Variants in TP53BP1 observed in about 807,000 individuals in gnomAD.
TP53BP1 encodes tumor protein p53 binding protein 1.
A neutral mutation model predicts 200.8 loss-of-function variants in TP53BP1; 61 were observed. That is an observed-to-expected ratio of 0.30 (90% confidence interval 0.25 to 0.38). TP53BP1 has a LOEUF of 0.38. TP53BP1 is among the 10% of genes least tolerant of loss of function. The pLI, the probability that TP53BP1 is intolerant of heterozygous loss-of-function variation, is 1.00. For missense variants in TP53BP1, 2,144 were observed against 2,371.9 expected, an observed-to-expected ratio of 0.90 and a Z score of 2.00; for synonymous variants, 822 against 844.3, an observed-to-expected ratio of 0.97 and a Z score of 0.46.
At chr15:43,505,983 G>A (rs1039775038) in intron 1 of TP53BP1, among the ~76,000 whole-genome samples, 1 of 152,162 alleles carries the variant, frequency 6.6e-6, no homozygotes, top group African/African-American at 2.4e-5. Context: ...CAGCTCCCTT[G>A]GATATTTTGG....
At chr15:43,447,293 TA>T in intron 13 of TP53BP1, 72 bp downstream of exon 13, 1 of 1,510,098 alleles carries the variant, frequency 6.6e-7, no homozygotes, top group Non-Finnish European at 9.0e-7. Flanking sequence ...TCCTCAGATC[TA>T]AAATATCACT....
In TP53BP1 at chr15:43,490,594, A is replaced by C. The variant is rs1286079143; in HGVS notation, c.371+1075T>G. 2.6e-5 allele frequency among the ~76,000 whole-genome samples: 4 copies of C among 151,222 alleles called. No individual in the cohort carries two copies. The East Asian group carries it at 7.7e-4, about 29-fold the overall frequency. ...CAAGCTAACATTCTCCTCTCTAACC[A>C]CCTCCCCTTTCTACCACCCCAAAAC... On this transcript the variant is annotated intron_variant, in intron 4 of 27. Coordinates refer to ENST00000382044, the MANE Select transcript of TP53BP1 (RefSeq NM_001141980.3).
At chr15:43,419,389 TCTCA>T (rs1243479488) in intron 21 of TP53BP1, among the ~76,000 whole-genome samples, 2 of 151,918 alleles carry the variant, frequency 1.3e-5, no homozygotes, top group Non-Finnish European at 2.9e-5. Context: ...AGAGACAGGG[TCTCA>T]CTGTTTCCCA....
At chr15:43,474,235 A>G (rs1406565980) in intron 10 of TP53BP1, among the ~76,000 whole-genome samples, 1 of 152,168 alleles carries the variant, frequency 6.6e-6, no homozygotes, top group Non-Finnish European at 1.5e-5. Flanking sequence ...CGCCGCGCAC[A>G]GCCCCGGTTG....
intron 6 of TP53BP1, 54 bp from the exon 7 acceptor site, chr15:43,479,580 G>C (rs759376037): frequency 2.2e-5 from 34 of 1,551,680 alleles, no homozygotes; most frequent in Middle Eastern, 3.4e-4. Flanking sequence ...CAAAATACTA[G>C]ATACAGTCCC....
At chr15:43,422,736 G>A (rs1241896721) in intron 18 of TP53BP1, among the ~76,000 whole-genome samples, 1 of 152,186 alleles carries the variant, frequency 6.6e-6, no homozygotes, top group African/African-American at 2.4e-5. Flanking sequence ...GCTCACGCCT[G>A]TAATCCCAGC....
Position 43,407,379 on chromosome 15 carries a change from A to ATCTT in TP53BP1, c.5934_*3dup, listed in dbSNP as rs749319124. The ATCTT allele has an allele frequency of 2.2e-5, 35 of 1,613,624 alleles. No homozygotes were observed. Among genetic ancestry groups the ATCTT allele is most frequent in the East Asian group, 6.7e-5 (3 of 44,888 alleles). On this transcript the variant is annotated 3_prime_UTR_variant, in exon 28 of 28. Transcript: ENST00000382044. ...GGGAATAAAACCAGTAAGACCAAGT[A>ATCTT]TCTTTAGTGAGAAACATAATCGTGT... is the stretch of plus-strand genomic sequence containing the variant.
chr15:43,473,877 C>T (rs1465826631), intron 10 of TP53BP1, among the ~76,000 whole-genome samples: 1 of 152,254 alleles, frequency 6.6e-6, no homozygotes, highest in African/African-American at 2.4e-5. Flanking sequence ...CTCCTGCACT[C>T]CTCAGCCCTT....
chr15:43,408,792 A>T (rs45628934), intron 26 of TP53BP1, 105 bp downstream of exon 26: 2 of 1,139,554 alleles, frequency 1.8e-6, no homozygotes, highest in East Asian at 4.9e-5. Flanking sequence ...TATCCCACAG[A>T]CATTCCAATT....
chr15:43,474,398 G>C (rs1321753130), intron 10 of TP53BP1, among the ~76,000 whole-genome samples: 2 of 150,440 alleles, frequency 1.3e-5, no homozygotes, highest in Non-Finnish European at 2.9e-5. Flanking sequence ...GAGGCGCCGA[G>C]AGCGAGCGAG....
chr15:43,436,681 C>T (rs532795909), intron 16 of TP53BP1, among the ~76,000 whole-genome samples: 1 of 151,062 alleles, frequency 6.6e-6, no homozygotes, highest in South Asian at 2.1e-4. Flanking sequence ...TAGGGTCTCA[C>T]TATGTCACCC....
At chr15:43,505,891 T>G (rs2079233292) in intron 1 of TP53BP1, among the ~76,000 whole-genome samples, 1 of 152,240 alleles carries the variant, frequency 6.6e-6, no homozygotes, top group African/African-American at 2.4e-5. Context: ...GACACAGCAC[T>G]TCTGTAATCC....
chr15:43,420,665 A>C lies in TP53BP1; in HGVS notation c.4321T>G (p.Phe1441Val). Reference sequence around the variant, plus strand: ...GGCACTCGGGGCACGACACGGCTGAAGGATTTATCATCTGGTGACAAGTTA... The same window carrying C: ...GGCACTCGGGGCACGACACGGCTGACGGATTTATCATCTGGTGACAAGTTA... ...SPNLSPDDKS[F>V]SRVVPRVPDS... is the part of the protein sequence containing the mutation. The change falls in exon 21 of 28, where the codon TTC (phenylalanine) becomes GTC (valine). Residue 1441 changes from phenylalanine (F) to valine (V), a missense_variant. This residue lies in a region of TP53BP1 where 1,700 missense variants were observed against 1,710.3 expected (regional missense o/e 0.99). Coordinates refer to ENST00000382044, the MANE Select transcript of TP53BP1 (RefSeq NM_001141980.3). The C allele has an allele frequency of 1.9e-6, 3 of 1,614,240 alleles. No individual in the cohort carries two copies. The highest frequency in any genetic ancestry group is 2.5e-6 in the Non-Finnish European group (3 of 1,180,042).
At chr15:43,482,215 C>T (rs1314260384) in intron 4 of TP53BP1, among the ~76,000 whole-genome samples, 1 of 151,700 alleles carries the variant, frequency 6.6e-6, no homozygotes, top group Admixed American at 6.6e-5. Flanking sequence ...GGCGACAGAG[C>T]GAGACTCCAC....
rs2044842533 is a variant in TP53BP1, at chr15:43,405,598, A to G, written c.*1785T>C. Reference sequence around the variant, plus strand: ...TAAATATTTTATGGTTCATATGTGAAAAAGTAATTATGTTTATAAATAGAC... The same window carrying G: ...TAAATATTTTATGGTTCATATGTGAGAAAGTAATTATGTTTATAAATAGAC... On this transcript the variant is annotated 3_prime_UTR_variant, in exon 28 of 28. Transcript: ENST00000382044. The G allele has an allele frequency of 5.1e-6, 1 of 197,428 alleles. No individual in the cohort carries two copies. The allele number at this position is 197,428 out of a possible 1,614,324, so 12.2% of individuals were successfully genotyped here.
At position 43,453,005 on chromosome 15, in the gene TP53BP1, T is replaced by C. The variant is rs1488980337; in HGVS notation, c.2716+2887A>G. On this transcript the variant is annotated intron_variant, in intron 12 of 27. Transcript: ENST00000382044. ...GTCAGGAGATCGAGACCATCCTGGCTAACACGGTGAAACCCCGTCTCTACT... is the reference window on the plus strand; with the variant it reads ...GTCAGGAGATCGAGACCATCCTGGCCAACACGGTGAAACCCCGTCTCTACT... Among the ~76,000 whole-genome samples the C allele has an allele frequency of 4.6e-5, 7 of 151,878 alleles. No individual in the cohort carries two copies. In the South Asian group the frequency reaches 6.2e-4, roughly 14 times the overall value.
chr15:43,453,885 T>C (rs937297492), intron 12 of TP53BP1, among the ~76,000 whole-genome samples: 21 of 150,908 alleles, frequency 1.4e-4, no homozygotes, highest in African/African-American at 4.9e-4. Flanking sequence ...GTACTATTAA[T>C]AATCACACTT....
chr15:43,447,810 C>CAGTA (rs2046078235), intron 12 of TP53BP1, among the ~76,000 whole-genome samples: 1 of 152,158 alleles, frequency 6.6e-6, no homozygotes, highest in East Asian at 1.9e-4. Context: ...ATCTCCAAGA[C>CAGTA]AGTACATCAG....
chr15:43,472,040 A>G (rs1271636476), intron 10 of TP53BP1, among the ~76,000 whole-genome samples: 1 of 152,226 alleles, frequency 6.6e-6, no homozygotes, highest in Non-Finnish European at 1.5e-5. Flanking sequence ...AAAACTGTTA[A>G]ATGTCTATGT....
Sources: allele counts gnomAD v4.1 joint callset (sites outside exome capture counted in the v4.1 genomes callset), GRCh38; gene constraint gnomAD v4.1.1; regional missense constraint gnomAD v4.1.1; transcripts MANE v1.5; gene names NCBI Gene and HGNC (gene_info 2026-07-23, HGNC 2026-07-21).